Variants in PELI2 observed in about 807,000 individuals in gnomAD.
PELI2 encodes the protein E3 ubiquitin-protein ligase pellino homolog 2.
A neutral mutation model predicts 42.3 loss-of-function variants in PELI2; 23 were observed. That is an observed-to-expected ratio of 0.54 (90% confidence interval 0.39 to 0.77). The LOEUF is 0.77. Among genes scored for constraint, PELI2 ranks in the 30% least tolerant of loss-of-function variants. The pLI is 0.00. For missense variants in PELI2, 463 were observed against 553.2 expected, an observed-to-expected ratio of 0.84 and a Z score of 1.64; for synonymous variants, 245 against 212.2, an observed-to-expected ratio of 1.15 and a Z score of -1.34.
At chr14:56,148,078 G>A (rs1276416078) in intron 1 of PELI2, among the ~76,000 whole-genome samples, 1 of 152,206 alleles carries the variant, frequency 6.6e-6, no homozygotes, top group African/African-American at 2.4e-5. Flanking sequence ...TCCTTGCACT[G>A]GATTCTGTCT....
chr14:56,129,772 G>A (rs1002525438), intron 1 of PELI2, among the ~76,000 whole-genome samples: 1 of 152,228 alleles, frequency 6.6e-6, no homozygotes, highest in Non-Finnish European at 1.5e-5. Context: ...AGCTATGGCA[G>A]CAATAGTGTG....
Position 56,266,491 on chromosome 14 carries a change from T to C in PELI2, c.208-13185T>C, listed in dbSNP as rs575871726. On this transcript the variant is annotated intron_variant, in intron 2 of 5. Coordinates refer to ENST00000267460, the MANE Select transcript of PELI2 (RefSeq NM_021255.3). ...AAAAGAGATAACTCTTAAGCATTCT[T>C]AAAAGCCTTATTCATAGAAATGCTA... Among the ~76,000 whole-genome samples the C allele has an allele frequency of 1.0e-3, 156 of 152,162 alleles. 1 individual carries two copies. The highest frequency in any genetic ancestry group is 1.9e-3 in the Non-Finnish European group (127 of 67,872).
chr14:56,198,012 A>C (rs201690908), intron 2 of PELI2, among the ~76,000 whole-genome samples: 44 of 117,666 alleles, frequency 3.7e-4, no homozygotes, highest in South Asian at 2.1e-3. Flanking sequence ...ACACACACAC[A>C]CCCACCTCTT....
intron 3 of PELI2, among the ~76,000 whole-genome samples, chr14:56,285,683 G>C (rs578058817): frequency 6.6e-6 from 1 of 152,152 alleles, no homozygotes; most frequent in Admixed American, 6.6e-5. Flanking sequence ...AGCATGCGTG[G>C]TTTCAGTAGA....
At chr14:56,166,888 C>T (rs1045700599) in intron 1 of PELI2, among the ~76,000 whole-genome samples, 14 of 152,056 alleles carry the variant, frequency 9.2e-5, no homozygotes, top group Admixed American at 3.3e-4. Flanking sequence ...CCTGGGTTCA[C>T]GCCATTCCCC....
At chr14:56,253,406 A>G (rs1159851906) in intron 2 of PELI2, among the ~76,000 whole-genome samples, 1 of 152,228 alleles carries the variant, frequency 6.6e-6, no homozygotes, top group African/African-American at 2.4e-5. Context: ...ATAGGAAGTC[A>G]CATTGCCTCT....
At chr14:56,271,701 C>G (rs1339525105) in intron 2 of PELI2, among the ~76,000 whole-genome samples, 5 of 152,182 alleles carry the variant, frequency 3.3e-5, no homozygotes, top group African/African-American at 1.2e-4. Flanking sequence ...CACAAGCGTA[C>G]ATTACGTTTC....
chr14:56,133,687 G>C (rs1177640518), intron 1 of PELI2, among the ~76,000 whole-genome samples: 1 of 152,186 alleles, frequency 6.6e-6, no homozygotes, highest in Non-Finnish European at 1.5e-5. Context: ...TCAACTGATA[G>C]GATTTAGCCC....
At chr14:56,210,678 G>A (rs1886682499) in intron 2 of PELI2, among the ~76,000 whole-genome samples, 1 of 152,112 alleles carries the variant, frequency 6.6e-6, no homozygotes, top group Admixed American at 6.5e-5. Context: ...AATTAAGGAG[G>A]TCAGAGAACG....
intron 1 of PELI2, among the ~76,000 whole-genome samples, chr14:56,121,194 C>T (rs1345503681): frequency 2.0e-5 from 3 of 148,540 alleles, no homozygotes; most frequent in Non-Finnish European, 4.4e-5. Flanking sequence ...CTAAAAATGC[C>T]TAATATTTGG....
intron 2 of PELI2, among the ~76,000 whole-genome samples, chr14:56,208,210 A>C (rs1023109958): frequency 2.6e-5 from 4 of 152,196 alleles, no homozygotes; most frequent in Non-Finnish European, 4.4e-5. Flanking sequence ...AAGAGCTCCT[A>C]CTAAAGTCAT....
intron 1 of PELI2, among the ~76,000 whole-genome samples, chr14:56,122,725 C>T (rs1443307960): frequency 1.3e-5 from 2 of 151,972 alleles, no homozygotes; most frequent in African/African-American, 4.8e-5. Context: ...AAAAACATGT[C>T]TTGATTTTCA....
Position 56,299,798 on chromosome 14 carries a change from C to T in PELI2, c.*2632C>T, listed in dbSNP as rs1890117971. 6.6e-6 allele frequency: 1 copy of T among 152,222 alleles called. No individual in the cohort carries two copies. Among genetic ancestry groups the T allele is most frequent in the East Asian group, 1.9e-4 (1 of 5,198 alleles). The allele number at this position is 152,222 out of a possible 1,614,324, so 9.4% of individuals were successfully genotyped here. ...AGGAAATTGCAGACCAATTAGTTGT[C>T]TTGGCCTGACTCTAATGCCTTTTGC... On this transcript the variant is annotated 3_prime_UTR_variant, in exon 6 of 6. Coordinates refer to ENST00000267460, the MANE Select transcript of PELI2 (RefSeq NM_021255.3).
At chr14:56,234,431 A>G (rs1214227286) in intron 2 of PELI2, among the ~76,000 whole-genome samples, 1 of 152,204 alleles carries the variant, frequency 6.6e-6, no homozygotes, top group African/African-American at 2.4e-5. Context: ...ACAAAAAAGG[A>G]TGAGTTCATG....
intron 2 of PELI2, among the ~76,000 whole-genome samples, chr14:56,231,150 A>G (rs1887551436): frequency 6.6e-6 from 1 of 152,226 alleles, no homozygotes; most frequent in African/African-American, 2.4e-5. Context: ...TCCACACAGT[A>G]AAGTGGGGGG....
chr14:56,162,611 C>A (rs1402598453), intron 1 of PELI2, among the ~76,000 whole-genome samples: 1 of 152,112 alleles, frequency 6.6e-6, no homozygotes, highest in Non-Finnish European at 1.5e-5. Flanking sequence ...GATTTCCTTT[C>A]TTTTTGGTAT....
intron 1 of PELI2, 107 bp downstream of exon 1, chr14:56,118,844 C>A (rs1882949914): frequency 1.6e-6 from 1 of 627,896 alleles, no homozygotes; most frequent in East Asian, 3.8e-5. Flanking sequence ...ACCGCCGGGG[C>A]GCTCGGGGCG....
intron 1 of PELI2, among the ~76,000 whole-genome samples, chr14:56,139,105 A>G (rs1002825106): frequency 6.6e-6 from 1 of 152,192 alleles, no homozygotes; most frequent in African/African-American, 2.4e-5. Flanking sequence ...TTATCTAACA[A>G]TGTGCCTTGC....
At chr14:56,290,720 C>T (rs1889801309) in intron 5 of PELI2, among the ~76,000 whole-genome samples, 1 of 152,110 alleles carries the variant, frequency 6.6e-6, no homozygotes, top group Non-Finnish European at 1.5e-5. Context: ...TTATTATATA[C>T]CTCACCACAA....
Sources: gnomAD v4.1 joint callset for allele counts (sites outside exome capture counted in the v4.1 genomes callset) on GRCh38, gnomAD v4.1.1 for gene constraint, MANE v1.5 for transcripts, NCBI Gene and HGNC (gene_info 2026-07-23, HGNC 2026-07-21) for gene names.